MECOM: variants seen among roughly 807,000 people sequenced by gnomAD.
The protein encoded by MECOM is MDS1 and EVI1 complex locus, also known as histone-lysine N-methyltransferase MECOM.
MECOM carries 13 observed loss-of-function variants against 116.3 expected under a neutral mutation model. The ratio of observed to expected loss-of-function variants is 0.11; its 90% CI spans 0.07 to 0.18. The LOEUF (loss-of-function observed/expected upper bound fraction) is 0.18, where lower values mean the gene tolerates loss of function less well. MECOM is among the 10% of genes least tolerant of loss of function. The pLI is 1.00. For missense variants in MECOM, 1,299 were observed against 1,509.0 expected, an observed-to-expected ratio of 0.86 and a Z score of 2.31; for synonymous variants, 528 against 535.2, an observed-to-expected ratio of 0.99 and a Z score of 0.19.
chr3:169,324,412 AAC>A (rs1721481398), intron 2 of MECOM, among the ~76,000 whole-genome samples: 1 of 152,268 alleles, frequency 6.6e-6, no homozygotes, highest in Admixed American at 6.5e-5. Flanking sequence ...GAGGATTTCA[AAC>A]ACACATGCTC....
chr3:169,360,159 G>A (rs1275595674), intron 2 of MECOM, among the ~76,000 whole-genome samples: 7 of 151,328 alleles, frequency 4.6e-5, no homozygotes, highest in Non-Finnish European at 3.0e-5. Context: ...CTAATATCCT[G>A]TGAGTTGGGC....
chr3:169,227,073 G>A (rs1752815818), intron 2 of MECOM, among the ~76,000 whole-genome samples: 1 of 152,036 alleles, frequency 6.6e-6, no homozygotes, highest in Admixed American at 6.6e-5. Context: ...GAATCTTCGG[G>A]CAATTTAGTC....
At chr3:169,260,278 C>A (rs1329238017) in intron 2 of MECOM, among the ~76,000 whole-genome samples, 5 of 152,092 alleles carry the variant, frequency 3.3e-5, no homozygotes, top group Admixed American at 2.0e-4. Flanking sequence ...ACCCAGTAAC[C>A]AGAGTTCTAA....
chr3:169,585,414 T>G (rs1553892378), intron 1 of MECOM, among the ~76,000 whole-genome samples: 1 of 152,230 alleles, frequency 6.6e-6, no homozygotes, highest in Admixed American at 6.5e-5. Context: ...AATAAAAGTT[T>G]GTGGAAGTTC....
intron 2 of MECOM, among the ~76,000 whole-genome samples, chr3:169,170,403 C>CAAAAAAAAAAAAAA (rs71634426): frequency 1.3e-5 from 1 of 74,366 alleles, no homozygotes; most frequent in African/African-American, 5.0e-5. Context: ...AAGACTCTGT[C>CAAAAAAAAAAAAAA]AAAAAAAAAA....
chr3:169,418,845 G>A (rs1274017699), intron 1 of MECOM, among the ~76,000 whole-genome samples: 1 of 152,090 alleles, frequency 6.6e-6, no homozygotes, highest in Non-Finnish European at 1.5e-5. Flanking sequence ...ACAAGACAAA[G>A]ATATACTATA....
intron 1 of MECOM, among the ~76,000 whole-genome samples, chr3:169,537,340 C>G (rs1458338432): frequency 2.0e-5 from 3 of 152,156 alleles, no homozygotes; most frequent in Non-Finnish European, 4.4e-5. Context: ...GTAAGCTCCT[C>G]TTTGTATTTT....
chr3:169,481,409 T>C (rs1051356175), intron 1 of MECOM, among the ~76,000 whole-genome samples: 7 of 152,022 alleles, frequency 4.6e-5, no homozygotes, highest in Non-Finnish European at 8.8e-5. Context: ...AAAAATTAGC[T>C]GGACATTTTG....
intron 2 of MECOM, among the ~76,000 whole-genome samples, chr3:169,250,037 G>T (rs1298520726): frequency 6.6e-6 from 1 of 152,154 alleles, no homozygotes; most frequent in Non-Finnish European, 1.5e-5. Flanking sequence ...CAACCCAATG[G>T]ATCCGTTCTC....
chr3:169,334,471 G>A (rs1275039071), intron 2 of MECOM, among the ~76,000 whole-genome samples: 1 of 152,120 alleles, frequency 6.6e-6, no homozygotes, highest in East Asian at 1.9e-4. Context: ...ATTTTAATTT[G>A]ATTGTTCAGG....
chr3:169,621,763 G>GAACA lies in MECOM; in HGVS notation c.37+41569_37+41572dup, dbSNP rs555024966. 1.5e-4 allele frequency among the ~76,000 whole-genome samples: 23 copies of GAACA among 152,058 alleles called. No homozygotes were observed. In the East Asian group the frequency reaches 2.3e-3, roughly 15 times the overall value. On this transcript the variant is annotated intron_variant, in intron 1 of 16. Transcript: ENST00000651503. ...TAGAGTGAGACTCTGTCTCAAAAAT[G>GAACA]AACAAACAAACAAACAAACAAGCTA...
chr3:169,443,805 T>C (rs1423716078), intron 1 of MECOM, among the ~76,000 whole-genome samples: 1 of 152,220 alleles, frequency 6.6e-6, no homozygotes, highest in Non-Finnish European at 1.5e-5. Context: ...AATCGCTCCC[T>C]GAGGAGCAGA....
At chr3:169,428,843 C>T (rs530990601) in intron 1 of MECOM, among the ~76,000 whole-genome samples, 1 of 152,040 alleles carries the variant, frequency 6.6e-6, no homozygotes, top group African/African-American at 2.4e-5. Flanking sequence ...TGGGTTTTCA[C>T]CCTGACATCA....
intron 1 of MECOM, among the ~76,000 whole-genome samples, chr3:169,509,232 C>G (rs1206527008): frequency 6.6e-6 from 1 of 152,156 alleles, no homozygotes; most frequent in Non-Finnish European, 1.5e-5. Context: ...CTGGATAAAT[C>G]CTGTCACTTC....
intron 1 of MECOM, among the ~76,000 whole-genome samples, chr3:169,389,915 A>C (rs1248353647): frequency 6.6e-6 from 1 of 152,208 alleles, no homozygotes; most frequent in Admixed American, 6.5e-5. Flanking sequence ...AGGACTAACC[A>C]TTGTCAAGAA....
chr3:169,636,731 G>A (rs998196559), intron 1 of MECOM, among the ~76,000 whole-genome samples: 3 of 152,170 alleles, frequency 2.0e-5, no homozygotes, highest in African/African-American at 7.2e-5. Context: ...TGATATTTTA[G>A]AGAATCTTAA....
intron 1 of MECOM, among the ~76,000 whole-genome samples, chr3:169,652,102 T>G (rs956246726): frequency 2.0e-5 from 3 of 152,152 alleles, no homozygotes; most frequent in African/African-American, 4.8e-5. Flanking sequence ...AAAAAATGGT[T>G]GAACCCCCAT....
At chr3:169,650,914 G>A (rs1774819619) in intron 1 of MECOM, among the ~76,000 whole-genome samples, 1 of 152,048 alleles carries the variant, frequency 6.6e-6, no homozygotes, top group African/African-American at 2.4e-5. Context: ...AGGATCTTCT[G>A]CCTTTAAAAA....
In MECOM at chr3:169,399,066, G is replaced by A. The variant is rs116198420; in HGVS notation, c.38-17542C>T. The stretch of plus-strand genomic sequence containing the variant: ...AACGTACCTCAAAACATATCCTTTT[G>A]TCAATTGCCTGTTGCTATTAGAGTG... On this transcript the variant is annotated intron_variant, in intron 1 of 16. Transcript: ENST00000651503. Among the ~76,000 whole-genome samples the A allele has an allele frequency of 5.0e-3, 758 of 152,148 alleles. 8 individuals carry two copies. Among genetic ancestry groups the A allele is most frequent in the African/African-American group, 0.017 (706 of 41,498 alleles).
Sources: gnomAD v4.1 joint callset for allele counts (sites outside exome capture counted in the v4.1 genomes callset) on GRCh38, gnomAD v4.1.1 for gene constraint, MANE v1.5 for transcripts, NCBI Gene and HGNC (gene_info 2026-07-23, HGNC 2026-07-21) for gene names.